Variants in SPATS2L observed in about 807,000 individuals in gnomAD.
SPATS2L encodes the protein SPATS2-like protein.
In SPATS2L, 30 loss-of-function variants were observed where a neutral mutation model predicts 59.6. The ratio of observed to expected loss-of-function variants is 0.50; its 90% CI spans 0.38 to 0.68. The LOEUF (loss-of-function observed/expected upper bound fraction) is 0.68, where lower values mean the gene tolerates loss of function less well. SPATS2L is among the 30% of genes least tolerant of loss of function. SPATS2L has a pLI of 0.00. For missense variants in SPATS2L, 615 were observed against 700.0 expected, an observed-to-expected ratio of 0.88 and a Z score of 1.37; for synonymous variants, 252 against 263.5, an observed-to-expected ratio of 0.96 and a Z score of 0.42.
intron 2 of SPATS2L, chr2:200,378,112 C>T: frequency 4.4e-6 from 2 of 458,390 alleles, no homozygotes; most frequent in Non-Finnish European, 5.8e-6. Flanking sequence ...CAAGTAGTCT[C>T]TCTGAAGGTG....
intron 2 of SPATS2L, among the ~76,000 whole-genome samples, chr2:200,355,644 A>G (rs1476464495): frequency 1.3e-5 from 2 of 152,378 alleles, no homozygotes; most frequent in Admixed American, 1.3e-4. Flanking sequence ...AAGCAGGACT[A>G]GAAGTTCTGA....
chr2:200,471,455 A>ACCTCCTTTCCT (rs1488351801), intron 11 of SPATS2L, among the ~76,000 whole-genome samples: 2 of 151,156 alleles, frequency 1.3e-5, no homozygotes, highest in East Asian at 3.9e-4. Context: ...GTGCCCCTTC[A>ACCTCCTTTCCT]CCTCCTTTCC....
At chr2:200,317,520 T>A (rs956048290) in intron 1 of SPATS2L, among the ~76,000 whole-genome samples, 1 of 152,170 alleles carries the variant, frequency 6.6e-6, no homozygotes, top group Non-Finnish European at 1.5e-5. Context: ...TCCCTGAGAC[T>A]GATCAGGAAG....
At chr2:200,382,805 A>G (rs775665376) in intron 2 of SPATS2L, among the ~76,000 whole-genome samples, 2 of 152,240 alleles carry the variant, frequency 1.3e-5, no homozygotes, top group Non-Finnish European at 2.9e-5. Context: ...AGCACTTAGC[A>G]GAGTGTCTGG....
At position 200,419,513 on chromosome 2, in the gene SPATS2L, T is replaced by G; in HGVS notation, c.445+17T>G. On this transcript the variant is annotated intron_variant, in intron 6 of 12. Coordinates refer to ENST00000409140, the MANE Select transcript of SPATS2L (RefSeq NM_001100423.2). ...GGGTCACAGGTCAGTAATGCTTAAG[T>G]AAAATTGCTTAGGAAGGCATAGATG... The G allele has an allele frequency of 6.2e-7, 1 of 1,612,118 alleles. No individual in the cohort carries two copies. The highest frequency in any genetic ancestry group is 8.5e-7 in the Non-Finnish European group (1 of 1,178,732).
Position 200,329,781 on chromosome 2 carries a change from CA to C in SPATS2L, c.-23+314del, listed in dbSNP as rs3036485. On this transcript the variant is annotated intron_variant, in intron 2 of 12. Transcript: ENST00000409140. ...ATGCATATGAAATACTTTGAAGTAC[CA>C]AAAAAAAAAAAATAGGGCTTTTAAA... 4.0e-3 allele frequency among the ~76,000 whole-genome samples: 572 copies of C among 144,778 alleles called. 5 individuals are homozygous for C. The highest frequency in any genetic ancestry group is 8.4e-3 in the African/African-American group (327 of 38,922). 95.0% of individuals were successfully genotyped at this position (144,778 alleles called of 152,430 possible).
At chr2:200,459,632 C>T (rs2086097324) in intron 8 of SPATS2L, 137 bp from the exon 9 acceptor site, 1 of 698,026 alleles carries the variant, frequency 1.4e-6, no homozygotes, top group East Asian at 2.8e-5. Context: ...GAGTGTACTG[C>T]TGGCATTGTA....
intron 9 of SPATS2L, among the ~76,000 whole-genome samples, chr2:200,466,988 A>G (rs987081090): frequency 6.6e-6 from 1 of 152,200 alleles, no homozygotes; most frequent in African/African-American, 2.4e-5. Flanking sequence ...CGGAGTAACA[A>G]ATTTCAAAAG....
At chr2:200,371,377 T>A (rs992969084) in intron 2 of SPATS2L, among the ~76,000 whole-genome samples, 15 of 152,030 alleles carry the variant, frequency 9.9e-5, no homozygotes, top group African/African-American at 3.4e-4. Flanking sequence ...GTTTAAGGAG[T>A]GTCTGAAGGC....
upstream of SPATS2L, chr2:200,305,935 T>C (rs1208308690): frequency 3.9e-6 from 2 of 508,040 alleles, no homozygotes; most frequent in Non-Finnish European, 5.1e-6. Context: ...GCTTCCATCA[T>C]GAATAATGAT....
At chr2:200,417,605 C>T (rs1173803095) in intron 5 of SPATS2L, among the ~76,000 whole-genome samples, 1 of 152,094 alleles carries the variant, frequency 6.6e-6, no homozygotes, top group Non-Finnish European at 1.5e-5. Flanking sequence ...AAAATGGTCT[C>T]CCAGCCAAGT....
intron 1 of SPATS2L, among the ~76,000 whole-genome samples, chr2:200,326,273 A>T (rs1167790495): frequency 3.3e-5 from 5 of 151,790 alleles, no homozygotes; most frequent in Non-Finnish European, 7.4e-5. Flanking sequence ...ACCATGCCCA[A>T]CTCCTTTTCA....
At chr2:200,339,093 CT>C (rs1173574991) in intron 2 of SPATS2L, among the ~76,000 whole-genome samples, 1 of 152,186 alleles carries the variant, frequency 6.6e-6, no homozygotes, top group African/African-American at 2.4e-5. Context: ...ACAATTTCCC[CT>C]TTTTCCTAAA....
In SPATS2L at chr2:200,413,951, G is replaced by T. The variant is rs147010546; in HGVS notation, c.148+1532G>T. ...TATTAATCTAACTTTGCAGCATTAG[G>T]TGCAGTTTGTCTCAAAAAATATTTG... On this transcript the variant is annotated intron_variant, in intron 4 of 12. Coordinates refer to ENST00000409140, the MANE Select transcript of SPATS2L (RefSeq NM_001100423.2). 2.0e-3 allele frequency among the ~76,000 whole-genome samples: 310 copies of T among 152,254 alleles called. 1 individual carries two copies. The highest frequency in any genetic ancestry group is 3.6e-3 in the Non-Finnish European group (244 of 68,024).
At chr2:200,339,640 A>G (rs1347635084) in intron 2 of SPATS2L, among the ~76,000 whole-genome samples, 4 of 152,216 alleles carry the variant, frequency 2.6e-5, no homozygotes, top group Non-Finnish European at 5.9e-5. Flanking sequence ...CAATGCATGT[A>G]TTTATAGGTT....
At chr2:200,454,316 T>A (rs1042073261) in intron 8 of SPATS2L, among the ~76,000 whole-genome samples, 2 of 152,180 alleles carry the variant, frequency 1.3e-5, no homozygotes, top group Admixed American at 1.3e-4. Context: ...TGTGGCTGCC[T>A]CTCTATGGTG....
intron 9 of SPATS2L, among the ~76,000 whole-genome samples, chr2:200,465,176 A>G (rs1223668720): frequency 6.6e-6 from 1 of 152,160 alleles, no homozygotes; most frequent in Non-Finnish European, 1.5e-5. Flanking sequence ...TAATGTGCCA[A>G]ATGGGGCAGG....
chr2:200,348,639 G>A (rs1402587527), intron 2 of SPATS2L, among the ~76,000 whole-genome samples: 2 of 152,088 alleles, frequency 1.3e-5, no homozygotes, highest in East Asian at 3.9e-4. Flanking sequence ...GAGAGGCCTA[G>A]GTCTGACACT....
chr2:200,398,050 G>T (rs2082411560), intron 3 of SPATS2L, among the ~76,000 whole-genome samples: 2 of 152,180 alleles, frequency 1.3e-5, no homozygotes. Context: ...TTGAATTTCG[G>T]CAGGCTGATG....
Sources: gnomAD v4.1 joint callset for allele counts (sites outside exome capture counted in the v4.1 genomes callset) on GRCh38, gnomAD v4.1.1 for gene constraint, MANE v1.5 for transcripts, NCBI Gene and HGNC (gene_info 2026-07-23, HGNC 2026-07-21) for gene names.